The following TECRL variants were observed in gnomAD, a reference collection of about 807,000 sequenced individuals.
TECRL encodes the protein trans-2,3-enoyl-CoA reductase-like.
Under a neutral mutation model 52.8 loss-of-function variants are expected in TECRL, and 63 were observed. That is an observed-to-expected ratio of 1.19 (90% CI 0.97 to 1.47). The LOEUF (loss-of-function observed/expected upper bound fraction) is 1.47. Among genes scored for constraint, TECRL ranks in the 40% most tolerant of loss-of-function variants. The pLI, the probability that TECRL is intolerant of heterozygous loss-of-function variation, is 0.00. For synonymous variants in TECRL, 164 were observed against 141.9 expected (o/e 1.16, Z -1.10); for missense variants, 482 against 429.6 (o/e 1.12, Z -1.08).
At chr4:64,384,433 G>A (rs62408527) in intron 1 of TECRL, among the ~76,000 whole-genome samples, 191 of 152,190 alleles carry the variant, frequency 1.3e-3, no homozygotes, top group Middle Eastern at 3.4e-3. Context: ...CTGTGGTGGT[G>A]GCAGGCTGGG....
intron 1 of TECRL, among the ~76,000 whole-genome samples, 195 bp downstream of exon 1, chr4:64,408,923 G>A (rs1164037586): frequency 6.6e-6 from 1 of 152,064 alleles, no homozygotes; most frequent in African/African-American, 2.4e-5. Context: ...TTTAAATTGA[G>A]TATGAGAGAT....
chr4:64,380,139 C>G (rs934631132), intron 1 of TECRL, among the ~76,000 whole-genome samples: 1 of 151,932 alleles, frequency 6.6e-6, no homozygotes, highest in African/African-American at 2.4e-5. Flanking sequence ...TTGTATTTCC[C>G]TTATGTTAGT....
At chr4:64,316,009 T>TAA (rs373380828) in intron 4 of TECRL, among the ~76,000 whole-genome samples, 145,796 of 151,934 alleles carry the variant, frequency 0.96, 69,985 homozygotes, top group East Asian at 1. Flanking sequence ...CATTATTCTA[T>TAA]AGAAAATGTT....
At chr4:64,391,204 A>G (rs987853667) in intron 1 of TECRL, among the ~76,000 whole-genome samples, 1 of 151,884 alleles carries the variant, frequency 6.6e-6, no homozygotes. Flanking sequence ...TTTGATGATT[A>G]TATGAACCAT....
chr4:64,407,445 A>T (rs550139282), intron 1 of TECRL, among the ~76,000 whole-genome samples: 8 of 152,014 alleles, frequency 5.3e-5, no homozygotes, highest in African/African-American at 1.4e-4. Flanking sequence ...AATAAGAAAA[A>T]ATTTAAATGT....
rs772356164 is a variant in TECRL at position 64,314,792 on chromosome 4, C to G, written c.436-29G>C. ...AAAATAAAACATGATTTAGATTAAA[C>G]GATAAAAATAGATGTTTTTAAGGTT... On this transcript the variant is annotated intron_variant, in intron 4 of 11. Transcript: ENST00000381210. 5 of 1,470,064 alleles carry G rather than the reference C, an allele frequency of 3.4e-6. No homozygotes were observed. The Admixed American group carries it at 8.4e-5, about 25-fold the overall frequency. 91.1% of individuals were successfully genotyped at this position (1,470,064 alleles called of 1,614,324 possible). A position where few individuals can be genotyped will look rare whatever the true frequency, so the allele number is the denominator to read the frequency against.
chr4:64,369,561 T>G (rs1721843985), intron 2 of TECRL, among the ~76,000 whole-genome samples: 1 of 152,146 alleles, frequency 6.6e-6, no homozygotes, highest in Non-Finnish European at 1.5e-5. Flanking sequence ...TAATGAGATT[T>G]TTTCAGGCAA....
At position 64,305,206 on chromosome 4, in the gene TECRL, C is replaced by A. The variant is rs1313932680; in HGVS notation, c.690G>T (p.Trp230Cys). The change falls in exon 7 of 12, where the codon TGG becomes TGT. Residue 230 changes from tryptophan (W) to cysteine (C), a missense_variant. By Grantham distance (215) the Trp-to-Cys change is radical (BLOSUM62 -2). Coordinates refer to ENST00000381210, the MANE Select transcript of TECRL (RefSeq NM_001010874.5). ...GTGGATGATTAATGTAGTAGGCAAT[C>A]CAAGAAGTAAATCCCCAGTAAAAGG... Reference protein sequence around the residue: ...SCAFYWGFTSWIAYYINHPLY... With the variant: ...SCAFYWGFTSCIAYYINHPLY... 2 of 1,612,488 alleles carry A rather than the reference C, an allele frequency of 1.2e-6. No homozygotes were observed. Among genetic ancestry groups the A allele is most frequent in the East Asian group, 2.2e-5 (1 of 44,746 alleles).
At chr4:64,395,023 C>T (rs1336584543) in intron 1 of TECRL, among the ~76,000 whole-genome samples, 1 of 146,010 alleles carries the variant, frequency 6.8e-6, no homozygotes, top group Non-Finnish European at 1.5e-5. Flanking sequence ...AATGATTCTT[C>T]TGCCTCAACC....
chr4:64,277,398 T>C (rs956722844), downstream of TECRL, among the ~76,000 whole-genome samples: 3 of 151,952 alleles, frequency 2.0e-5, no homozygotes, highest in Admixed American at 6.6e-5. Flanking sequence ...ATTTACTGCA[T>C]TGACATTTCT....
chr4:64,376,003 T>C (rs1479054020), intron 1 of TECRL, among the ~76,000 whole-genome samples: 1 of 151,824 alleles, frequency 6.6e-6, no homozygotes, highest in Non-Finnish European at 1.5e-5. Context: ...ACGATACTAG[T>C]GAAATTTATT....
intron 1 of TECRL, among the ~76,000 whole-genome samples, chr4:64,393,775 AATT>A (rs993550301): frequency 7.9e-5 from 12 of 152,066 alleles, no homozygotes; most frequent in East Asian, 1.9e-4. Flanking sequence ...AAATTAAAAA[AATT>A]ATTATCTGGA....
At chr4:64,316,482 C>A (rs1717501967) in intron 4 of TECRL, among the ~76,000 whole-genome samples, 1 of 151,610 alleles carries the variant, frequency 6.6e-6, no homozygotes, top group South Asian at 2.1e-4. Flanking sequence ...TATTTCAGTG[C>A]AAATAGAAGA....
chr4:64,297,513 A>G (rs923796817), intron 8 of TECRL, among the ~76,000 whole-genome samples: 1 of 150,908 alleles, frequency 6.6e-6, no homozygotes, highest in Admixed American at 6.6e-5. Flanking sequence ...TCGATCCATT[A>G]ATTTCTCCTT....
At chr4:64,285,675 T>C (rs955119393) in intron 9 of TECRL, among the ~76,000 whole-genome samples, 4 of 152,010 alleles carry the variant, frequency 2.6e-5, no homozygotes, top group Non-Finnish European at 4.4e-5. Flanking sequence ...AAGATGAGAG[T>C]TCACTTTGAG....
chr4:64,398,263 A>G (rs1049354240), intron 1 of TECRL, among the ~76,000 whole-genome samples: 3 of 152,184 alleles, frequency 2.0e-5, no homozygotes, highest in African/African-American at 7.2e-5. Flanking sequence ...GAAAACTCAT[A>G]TCATTAAATA....
chr4:64,399,930 G>A (rs1198785425), intron 1 of TECRL, among the ~76,000 whole-genome samples: 4 of 152,178 alleles, frequency 2.6e-5, no homozygotes, highest in African/African-American at 9.7e-5. Context: ...TCTCCACGCA[G>A]AGTCCTCACT....
chr4:64,395,329 A>C (rs1723868565), intron 1 of TECRL, among the ~76,000 whole-genome samples: 1 of 152,222 alleles, frequency 6.6e-6, no homozygotes, highest in Admixed American at 6.5e-5. Flanking sequence ...AAAGTTACTT[A>C]ACATTGTCAT....
intron 1 of TECRL, among the ~76,000 whole-genome samples, chr4:64,380,169 T>C (rs1197593232): frequency 6.6e-6 from 1 of 152,122 alleles, no homozygotes; most frequent in Non-Finnish European, 1.5e-5. Flanking sequence ...CACTTTGTTA[T>C]ATATCTGTTG....
Sources: allele counts gnomAD v4.1 joint callset (sites outside exome capture counted in the v4.1 genomes callset), GRCh38; gene constraint gnomAD v4.1.1; transcripts MANE v1.5; gene names NCBI Gene and HGNC (gene_info 2026-07-23, HGNC 2026-07-21).